Variants in SHISA6 observed in about 807,000 individuals in gnomAD.
SHISA6 encodes the protein shisa family member 6, also known as protein shisa-6.
Under a neutral mutation model 47.9 loss-of-function variants are expected in SHISA6, and 22 were observed. That is an observed-to-expected ratio of 0.46 (90% confidence interval 0.33 to 0.66). SHISA6 has a LOEUF of 0.66. SHISA6 is among the 30% of genes least tolerant of loss of function. The probability of loss-of-function intolerance (pLI) is 0.02; values close to 1 mark genes in which losing one functional copy is unlikely to be tolerated. For missense variants in SHISA6, 680 were observed against 764.6 expected, an observed-to-expected ratio of 0.89 and a Z score of 1.30; for synonymous variants, 388 against 337.8, an observed-to-expected ratio of 1.15 and a Z score of -1.63.
intron 2 of SHISA6, among the ~76,000 whole-genome samples, chr17:11,350,034 C>T (rs574476257): frequency 9.3e-4 from 142 of 151,918 alleles, no homozygotes; most frequent in Admixed American, 1.9e-3. Flanking sequence ...TTTCTGAAAG[C>T]CATAGAAAAC....
At chr17:11,359,330 T>G in intron 2 of SHISA6, among the ~76,000 whole-genome samples, 1 of 152,362 alleles carries the variant, frequency 6.6e-6, no homozygotes, top group East Asian at 1.9e-4. Flanking sequence ...TGTGCTTTAC[T>G]CAGAATATAT....
chr17:11,465,828 G>A lies in SHISA6; in HGVS notation c.896-86068G>A, dbSNP rs145818418. 4.6e-5 allele frequency among the ~76,000 whole-genome samples: 7 copies of A among 152,294 alleles called. No individual in the cohort carries two copies. The East Asian group carries it at 7.7e-4, about 17-fold the overall frequency. On this transcript the variant is annotated intron_variant, in intron 3 of 5. Coordinates refer to ENST00000441885, the MANE Select transcript of SHISA6 (RefSeq NM_207386.4). Reference sequence around the variant, plus strand: ...CACAACTGCATCTGTCCCGGGAGCCGTGGCGAACGCAGTCTCCAGGCCTAT... The same window carrying A: ...CACAACTGCATCTGTCCCGGGAGCCATGGCGAACGCAGTCTCCAGGCCTAT...
intron 3 of SHISA6, among the ~76,000 whole-genome samples, chr17:11,446,879 T>A (rs67073041): frequency 6.6e-6 from 1 of 152,128 alleles, no homozygotes; most frequent in Non-Finnish European, 1.5e-5. Context: ...CCCACAGACA[T>A]GGGAGAAGCC....
At chr17:11,268,473 G>C (rs985686) in intron 2 of SHISA6, among the ~76,000 whole-genome samples, 16,205 of 152,184 alleles carry the variant, frequency 0.11, 1,031 homozygotes, top group East Asian at 0.17. Flanking sequence ...TTCTCATGCT[G>C]TTTGTATTCT....
At chr17:11,353,360 G>A (rs976753580) in intron 2 of SHISA6, among the ~76,000 whole-genome samples, 3 of 151,692 alleles carry the variant, frequency 2.0e-5, no homozygotes, top group African/African-American at 7.3e-5. Context: ...GGGAGGCTGA[G>A]GCAAAAGAAT....
chr17:11,485,784 CCTT>C (rs1567618446), intron 3 of SHISA6, among the ~76,000 whole-genome samples: 1 of 150,770 alleles, frequency 6.6e-6, no homozygotes. Context: ...TTAAATCACT[CCTT>C]CTAAATGACT....
chr17:11,483,372 C>A (rs1479518331), intron 3 of SHISA6, among the ~76,000 whole-genome samples: 1 of 151,498 alleles, frequency 6.6e-6, no homozygotes, highest in East Asian at 1.9e-4. Flanking sequence ...ACAAACAGGT[C>A]AGGTAATAGA....
intron 2 of SHISA6, among the ~76,000 whole-genome samples, chr17:11,348,356 G>T (rs919400967): frequency 6.6e-6 from 1 of 152,152 alleles, no homozygotes; most frequent in Non-Finnish European, 1.5e-5. Context: ...CCTGCAGATC[G>T]TGAGTGATGT....
intron 3 of SHISA6, among the ~76,000 whole-genome samples, chr17:11,412,080 G>A (rs1914137636): frequency 6.6e-6 from 1 of 152,184 alleles, no homozygotes; most frequent in Non-Finnish European, 1.5e-5. Context: ...GCTTATTAAT[G>A]GCAAGTTGTA....
At chr17:11,441,722 T>C (rs550468573) in intron 3 of SHISA6, among the ~76,000 whole-genome samples, 10 of 152,294 alleles carry the variant, frequency 6.6e-5, no homozygotes, top group Admixed American at 2.6e-4. Flanking sequence ...GTTAGACCTT[T>C]TTGCCTGCAT....
At chr17:11,334,490 C>G (rs1161097117) in intron 2 of SHISA6, among the ~76,000 whole-genome samples, 1 of 152,176 alleles carries the variant, frequency 6.6e-6, no homozygotes, top group Non-Finnish European at 1.5e-5. Flanking sequence ...GGGCCCCTAA[C>G]AGGATACTGG....
At chr17:11,493,944 C>G (rs1385754297) in intron 3 of SHISA6, among the ~76,000 whole-genome samples, 1 of 151,566 alleles carries the variant, frequency 6.6e-6, no homozygotes, top group Admixed American at 6.6e-5. Context: ...TTTCTTTATA[C>G]TAATCTCTCA....
rs758702499 is a variant in SHISA6, at chr17:11,558,793, G to A, written c.*489G>A. ...AGAACCGCATCACAGAAATCTCCTAGTGCCTAAAAACTGCCTGCTCGCTCT... is the reference window on the plus strand; with the variant it reads ...AGAACCGCATCACAGAAATCTCCTAATGCCTAAAAACTGCCTGCTCGCTCT... On this transcript the variant is annotated 3_prime_UTR_variant, in exon 6 of 6. Coordinates refer to ENST00000441885, the MANE Select transcript of SHISA6 (RefSeq NM_207386.4). 5 of 173,098 alleles carry A rather than the reference G, an allele frequency of 2.9e-5. No homozygotes were observed. The highest frequency in any genetic ancestry group is 6.2e-5 in the Non-Finnish European group (5 of 80,316). The allele number at this position is 173,098 out of a possible 1,614,324, so 10.7% of individuals were successfully genotyped here. A position where few individuals can be genotyped will look rare whatever the true frequency, so the allele number is the denominator to read the frequency against.
chr17:11,275,510 C>G (rs143168460), intron 2 of SHISA6, among the ~76,000 whole-genome samples: 5 of 152,136 alleles, frequency 3.3e-5, no homozygotes, highest in Admixed American at 6.5e-5. Context: ...AAACAAAGTC[C>G]CTAGTCTCAT....
intron 3 of SHISA6, among the ~76,000 whole-genome samples, chr17:11,488,440 C>T (rs1463054315): frequency 1.3e-5 from 2 of 152,162 alleles, no homozygotes; most frequent in Non-Finnish European, 2.9e-5. Flanking sequence ...ATTCTGCCTA[C>T]TTATATTACT....
At chr17:11,533,649 C>G (rs1285167644) in intron 3 of SHISA6, among the ~76,000 whole-genome samples, 1 of 138,996 alleles carries the variant, frequency 7.2e-6, no homozygotes, top group African/African-American at 2.7e-5. Flanking sequence ...CTGGAGTGCA[C>G]TGGCACCATC....
Position 11,558,397 on chromosome 17 carries a change from C to A in SHISA6, c.*93C>A. On this transcript the variant is annotated 3_prime_UTR_variant, in exon 6 of 6. Transcript: ENST00000441885. ...AGAGCTTCTAGCCTTGCCACTCTCC[C>A]TTCCCTTGTCCCCTCTGTAGGAAGT... is the stretch of plus-strand genomic sequence containing the variant. 1 of 1,372,612 alleles carries A rather than the reference C, an allele frequency of 7.3e-7. No homozygotes were observed. Among genetic ancestry groups the A allele is most frequent in the Non-Finnish European group, 9.8e-7 (1 of 1,021,138 alleles). 85.0% of individuals were successfully genotyped at this position (1,372,612 alleles called of 1,614,324 possible). A position where few individuals can be genotyped will look rare whatever the true frequency, so the allele number is the denominator to read the frequency against.
At chr17:11,543,910 C>CAAAAAAAAAAAAAAA (rs200573876) in intron 3 of SHISA6, among the ~76,000 whole-genome samples, 1 of 96,388 alleles carries the variant, frequency 1.0e-5, no homozygotes, top group Non-Finnish European at 2.3e-5. Flanking sequence ...TATTTATAAG[C>CAAAAAAAAAAAAAAA]AAAAAAAAAA....
chr17:11,318,304 CTG>C (rs1910591176), intron 2 of SHISA6, among the ~76,000 whole-genome samples: 1 of 152,164 alleles, frequency 6.6e-6, no homozygotes, highest in Non-Finnish European at 1.5e-5. Context: ...TTTTCGGAAA[CTG>C]GCAATATTTG....
Sources: gnomAD v4.1 joint callset for allele counts (sites outside exome capture counted in the v4.1 genomes callset) on GRCh38, gnomAD v4.1.1 for gene constraint, MANE v1.5 for transcripts, NCBI Gene and HGNC (gene_info 2026-07-23, HGNC 2026-07-21) for gene names.